NPHP3: variants seen among roughly 807,000 people sequenced by gnomAD.
NPHP3 encodes nephrocystin-3.
A neutral mutation model predicts 171.9 loss-of-function variants in NPHP3; 123 were observed. That is an observed-to-expected ratio of 0.72 (90% CI 0.62 to 0.83). NPHP3 has a LOEUF of 0.83. Among genes scored for constraint, NPHP3 ranks in the 40% least tolerant of loss-of-function variants. The probability of loss-of-function intolerance (pLI) is 0.00; values close to 1 mark genes in which losing one functional copy is unlikely to be tolerated. For missense variants in NPHP3, 1,506 were observed against 1,591.9 expected, an observed-to-expected ratio of 0.95 and a Z score of 0.92; for synonymous variants, 558 against 579.2, an observed-to-expected ratio of 0.96 and a Z score of 0.52.
chr3:132,721,949 C>T lies in NPHP3; in HGVS notation c.393+14G>A. The T allele has an allele frequency of 6.2e-7, 1 of 1,611,608 alleles. No homozygotes were observed. Among genetic ancestry groups the T allele is most frequent in the East Asian group, 2.2e-5 (1 of 44,874 alleles). The stretch of plus-strand genomic sequence containing the variant: ...CCAAGGGTCTCCCGGCGTCGCGGCC[C>T]AGCCCGGCGTTACCTGCAGTTCGGC... On this transcript the variant is annotated intron_variant, in intron 1 of 26. Transcript: ENST00000337331.
intron 6 of NPHP3, 134 bp from the exon 7 acceptor site, chr3:132,708,391 T>G: frequency 1.2e-6 from 1 of 806,324 alleles, no homozygotes; most frequent in South Asian, 1.5e-5. Context: ...GCACAACAAG[T>G]GAAGCTTTCC....
chr3:132,718,008 C>T, intron 3 of NPHP3: 1 of 432,754 alleles, frequency 2.3e-6, no homozygotes, highest in Non-Finnish European at 4.6e-6. Context: ...CCCGCCTTGG[C>T]CTCCCAAAGT....
At position 132,719,949 on chromosome 3, in the gene NPHP3, T is replaced by G. The variant is rs568932744; in HGVS notation, c.394-119A>C. ...CGTATCTTAGAATTTTAAGTCTACTTATTATTTTACCAATTATCAGGAACT... is the reference window on the plus strand; with the variant it reads ...CGTATCTTAGAATTTTAAGTCTACTGATTATTTTACCAATTATCAGGAACT... On this transcript the variant is annotated intron_variant, in intron 1 of 26. Transcript: ENST00000337331. 5 of 425,108 alleles carry G rather than the reference T, an allele frequency of 1.2e-5. No individual in the cohort carries two copies. The South Asian group carries it at 4.1e-4, about 35-fold the overall frequency. 26.3% of individuals were successfully genotyped at this position (425,108 alleles called of 1,614,324 possible). A position where few individuals can be genotyped will look rare whatever the true frequency, so the allele number is the denominator to read the frequency against.
rs866796047 is a variant in NPHP3, at chr3:132,691,275, T to G, written c.2487A>C (p.Thr829=). The change falls in exon 18 of 27, where the codon ACA becomes ACC. Residue 829 remains threonine, a synonymous_variant. Coordinates refer to ENST00000337331, the MANE Select transcript of NPHP3 (RefSeq NM_153240.5). ...GGCCTTCCAGGTACTCCAATCTCAC[T>G]GTTTCCCAAGCCTAGGGAGAAAAAG... ...LRFQHLQAWE[T]VRLEYLEGPT... 1.3e-5 allele frequency: 21 copies of G among 1,612,406 alleles called. 1 individual carries two copies. The Middle Eastern group carries it at 3.5e-3, about 267-fold the overall frequency.
In NPHP3 at chr3:132,690,628, T is replaced by G. The variant is rs764310559; in HGVS notation, c.2593A>C (p.Ser865Arg). 5 of 1,613,860 alleles carry G rather than the reference T, an allele frequency of 3.1e-6. No individual in the cohort carries two copies. The South Asian group carries it at 5.5e-5, about 18-fold the overall frequency. Residue 865 changes from serine (S) to arginine (R), a missense_variant, in exon 19 of 27, where the codon AGT becomes CGT. Ser to Arg is a moderately radical substitution (Grantham distance 110). Around this residue, in one of 3 missense-constraint regions of NPHP3, gnomAD observed 569 missense variants for 648.1 expected, o/e 0.88. Coordinates refer to ENST00000337331, the MANE Select transcript of NPHP3 (RefSeq NM_153240.5). ...AAAAGCCACGGGAGTTCATCTGCAC[T>G]TCTCCAAGTCACTCTGTCCTGACTA... is the stretch of plus-strand genomic sequence containing the variant. ...QLSQDRVTWR[S>R]ADELPWLFQQ... is the part of the protein sequence containing the mutation.
At position 132,722,246 on chromosome 3, in the gene NPHP3, T is replaced by C. The variant is rs1940255684; in HGVS notation, c.110A>G (p.Lys37Arg). 1.3e-6 allele frequency: 2 copies of C among 1,569,104 alleles called. No homozygotes were observed. Among genetic ancestry groups the C allele is most frequent in the African/African-American group, 1.4e-5 (1 of 71,306 alleles). ...ACEIPVEVKP[K>R]ARLLRNSFRR... ...GAACGAGTTGCGCAGCAGGCGGGCC[T>C]TGGGCTTCACCTCCACCGGGATCTC... Residue 37 changes from lysine to arginine, a missense_variant, in exon 1 of 27, where the codon AAG (lysine) becomes AGG (arginine). This residue lies in a region of NPHP3 where 930 missense variants were observed against 924.9 expected (regional missense o/e 1.01). Transcript: ENST00000337331.
intron 13 of NPHP3, among the ~76,000 whole-genome samples, chr3:132,697,670 G>C (rs1278305847): frequency 6.6e-6 from 1 of 152,196 alleles, no homozygotes; most frequent in Non-Finnish European, 1.5e-5. Context: ...GCATAGGTAT[G>C]AGTATCTATG....
In NPHP3 at chr3:132,687,216, C is replaced by T. The variant is rs778699020; in HGVS notation, c.3136G>A (p.Ala1046Thr). ...AAGGATTTTTTCCTAAAATGTTCAGCTTGTTCATATCTTAAAAAAAAATTA... is the reference window on the plus strand; with the variant it reads ...AAGGATTTTTTCCTAAAATGTTCAGTTTGTTCATATCTTAAAAAAAAATTA... ...LYQKQNKYEQ[A>T]EHFRKKSFKI... Residue 1046 changes from alanine (A) to threonine (T), a missense_variant, in exon 22 of 27, where the codon GCT (alanine) becomes ACT (threonine). Transcript: ENST00000337331. The T allele has an allele frequency of 1.5e-6, 2 of 1,364,432 alleles. No individual in the cohort carries two copies. The highest frequency in any genetic ancestry group is 2.3e-5 in the South Asian group (2 of 85,322). The allele number at this position is 1,364,432 out of a possible 1,614,324, so 84.5% of individuals were successfully genotyped here.
At chr3:132,713,502 T>C (rs769305659) in intron 5 of NPHP3, among the ~76,000 whole-genome samples, 32 of 152,326 alleles carry the variant, frequency 2.1e-4, no homozygotes, top group Non-Finnish European at 3.7e-4. Flanking sequence ...GGCCTTTTTC[T>C]AGCTCAGAAA....
At chr3:132,717,011 A>T in intron 3 of NPHP3, 102 bp from the exon 4 acceptor site, 1 of 1,199,320 alleles carries the variant, frequency 8.3e-7, no homozygotes, top group South Asian at 1.3e-5. Context: ...AAAATATGAA[A>T]ATATTACAAA....
In NPHP3 at chr3:132,719,722, C is replaced by T. The variant is rs1940153544; in HGVS notation, c.502G>A (p.Val168Ile). The T allele has an allele frequency of 6.4e-7, 1 of 1,559,048 alleles. No homozygotes were observed. The highest frequency in any genetic ancestry group is 1.7e-4 in the Middle Eastern group (1 of 5,828). The change falls in exon 2 of 27, where the codon GTT becomes ATT. Residue 168 changes from valine to isoleucine, a missense_variant. Transcript: ENST00000337331. The stretch of plus-strand genomic sequence containing the variant: ...GAATTTACCTTGAATTGCCTTTTAA[C>T]TTTATCTCTGTCATGTTCAAATGTT... ...AATFEHDRDK[V>I]KRQFKIFRET...
At chr3:132,682,943 A>G in intron 25 of NPHP3, 125 bp from the exon 26 acceptor site, 1 of 689,746 alleles carries the variant, frequency 1.4e-6, no homozygotes, top group East Asian at 2.7e-5. Flanking sequence ...ATGGGAATAA[A>G]CAGATTAACT....
intron 9 of NPHP3, among the ~76,000 whole-genome samples, chr3:132,702,908 C>T (rs1388975398): frequency 6.6e-6 from 1 of 152,140 alleles, no homozygotes; most frequent in African/African-American, 2.4e-5. Flanking sequence ...CAGGTTAAGA[C>T]CCATGGCTAT....
At chr3:132,707,925 G>A (rs1016604729) in intron 7 of NPHP3, among the ~76,000 whole-genome samples, 176 bp downstream of exon 7, 5 of 152,044 alleles carry the variant, frequency 3.3e-5, no homozygotes, top group East Asian at 1.9e-4. Flanking sequence ...AATGGCCTCC[G>A]AGGTTCTTCA....
Position 132,694,380 on chromosome 3 carries a change from T to TACAC in NPHP3, c.2310+443_2310+446dup, listed in dbSNP as rs200727979. Among the ~76,000 whole-genome samples the TACAC allele has an allele frequency of 7.1e-4, 103 of 144,514 alleles. 1 individual carries two copies. Among genetic ancestry groups the TACAC allele is most frequent in the African/African-American group, 2.6e-3 (100 of 38,580 alleles). The allele number at this position is 144,514 out of a possible 152,430, so 94.8% of individuals were successfully genotyped here. ...ATGTGTGTGTGTGTGTGTGTGTGTTTACACACACACACACATATATATATG... is the reference window on the plus strand; with the variant it reads ...ATGTGTGTGTGTGTGTGTGTGTGTTTACACACACACACACACACATATATATATG... On this transcript the variant is annotated intron_variant, in intron 16 of 26. Coordinates refer to ENST00000337331, the MANE Select transcript of NPHP3 (RefSeq NM_153240.5).
In NPHP3 at chr3:132,693,060, C is replaced by T. The variant is rs1465971914; in HGVS notation, c.2311-242G>A. Reference sequence around the variant, plus strand: ...GATAACACTCTTACAGAAAAAAGTACAGTGAAAATTAAAACTGCATAAAAT... The same window carrying T: ...GATAACACTCTTACAGAAAAAAGTATAGTGAAAATTAAAACTGCATAAAAT... On this transcript the variant is annotated intron_variant, in intron 16 of 26. Transcript: ENST00000337331. 4 of 469,808 alleles carry T rather than the reference C, an allele frequency of 8.5e-6. No individual in the cohort carries two copies. The Admixed American group carries it at 1.1e-4, about 13-fold the overall frequency. 29.1% of individuals were successfully genotyped at this position (469,808 alleles called of 1,614,324 possible). A position where few individuals can be genotyped will look rare whatever the true frequency, so the allele number is the denominator to read the frequency against.
At position 132,713,015 on chromosome 3, in the gene NPHP3, GA is replaced by G. The variant is rs1189009894; in HGVS notation, c.1118+110del. 4 of 552,744 alleles carry G rather than the reference GA, an allele frequency of 7.2e-6. 1 individual carries two copies. Among genetic ancestry groups the G allele is most frequent in the Non-Finnish European group, 1.3e-5 (4 of 318,026 alleles). 34.2% of individuals were successfully genotyped at this position (552,744 alleles called of 1,614,324 possible). ...GTTGTAGAATTTATTGAATTTCATG[GA>G]TTTTTTTATTATAAGGATGCAATAA... On this transcript the variant is annotated intron_variant, in intron 6 of 26. Transcript: ENST00000337331.
chr3:132,704,485 T>C (rs1370764516), intron 8 of NPHP3, 114 bp from the exon 9 acceptor site: 1 of 931,122 alleles, frequency 1.1e-6, no homozygotes, highest in African/African-American at 1.6e-5. Context: ...AGTTCAAACA[T>C]ACAGCCTTTG....
Position 132,722,184 on chromosome 3 carries a change from C to G in NPHP3, c.172G>C (p.Gly58Arg), listed in dbSNP as rs1224406443. Residue 58 changes from glycine to arginine, a missense_variant, in exon 1 of 27, where the codon GGG (glycine) becomes CGG (arginine). This residue lies in a region of NPHP3 where 930 missense variants were observed against 924.9 expected (regional missense o/e 1.01). Coordinates refer to ENST00000337331, the MANE Select transcript of NPHP3 (RefSeq NM_153240.5). ...GCGCCCACCCCGCGGGGCAGCGACCCGGGCCCGGCCCCTGCTGCCGCCCCC... is the reference window on the plus strand; with the variant it reads ...GCGCCCACCCCGCGGGGCAGCGACCGGGGCCCGGCCCCTGCTGCCGCCCCC... ...GAGAAAGAGP[G>R]SLPRGVGAGG... 1 of 1,509,058 alleles carries G rather than the reference C, an allele frequency of 6.6e-7. No homozygotes were observed. 93.5% of individuals were successfully genotyped at this position (1,509,058 alleles called of 1,614,324 possible).
Sources: allele counts gnomAD v4.1 joint callset (sites outside exome capture counted in the v4.1 genomes callset), GRCh38; gene constraint gnomAD v4.1.1; regional missense constraint gnomAD v4.1.1; transcripts MANE v1.5; gene names NCBI Gene and HGNC (gene_info 2026-07-23, HGNC 2026-07-21).